Variants in RGS2 observed in about 807,000 individuals in gnomAD.
RGS2 encodes G0 to G1 switch regulatory 8, 24kD.
In RGS2, 20 loss-of-function variants were observed where a neutral mutation model predicts 26.6. The observed-to-expected ratio is 0.75, with a 90% CI of 0.53 to 1.09. The LOEUF is 1.09. RGS2 is among the 50% of genes least tolerant of loss of function. RGS2 has a pLI of 0.00. For synonymous variants in RGS2, 97 were observed against 79.9 expected, an observed-to-expected ratio of 1.21 and a Z score of -1.14; for missense variants, 246 against 245.5, an observed-to-expected ratio of 1.00 and a Z score of -0.01.
chr1:192,811,187 T>C, intron 4 of RGS2, 40 bp downstream of exon 4: 1 of 1,599,392 alleles, frequency 6.3e-7, no homozygotes, highest in Non-Finnish European at 8.5e-7. Flanking sequence ...AATCTGGACA[T>C]CTTTAGCACA....
chr1:192,811,882 A>C lies in RGS2; in HGVS notation c.*286A>C, dbSNP rs934785129. The C allele has an allele frequency of 2.2e-6, 1 of 457,454 alleles. No individual in the cohort carries two copies. The highest frequency in any genetic ancestry group is 4.0e-6 in the Non-Finnish European group (1 of 248,596). The allele number at this position is 457,454 out of a possible 1,614,324, so 28.3% of individuals were successfully genotyped here. ...GCAGGAATGTAAGATGATGAAAGAG[A>C]CAATGTAATACTGTTGGTCCAAAAG... is the stretch of plus-strand genomic sequence containing the variant. On this transcript the variant is annotated 3_prime_UTR_variant, in exon 5 of 5. Coordinates refer to ENST00000235382, the MANE Select transcript of RGS2 (RefSeq NM_002923.4).
Position 192,811,498 on chromosome 1 carries a change from T to C in RGS2, c.538T>C (p.Leu180=). The change falls in exon 5 of 5, where the codon TTG becomes CTG. Residue 180 remains leucine (L), a synonymous_variant. Coordinates refer to ENST00000235382, the MANE Select transcript of RGS2 (RefSeq NM_002923.4). ...FTTAQKRVYS[L]MENNSYPRFL... is the part of the protein sequence containing the mutation. ...AACTGCCCAGAAAAGGGTATACAGC[T>C]TGATGGAGAACAACTCTTATCCTCG... is the stretch of plus-strand genomic sequence containing the variant. 1 of 1,614,110 alleles carries C rather than the reference T, an allele frequency of 6.2e-7. No homozygotes were observed. The highest frequency in any genetic ancestry group is 8.5e-7 in the Non-Finnish European group (1 of 1,179,950).
chr1:192,810,195 A>G lies in RGS2; in HGVS notation c.140A>G (p.Tyr47Cys), dbSNP rs778327377. The G allele has an allele frequency of 2.5e-5, 41 of 1,612,898 alleles. No homozygotes were observed. Among genetic ancestry groups the G allele is most frequent in the Non-Finnish European group, 3.5e-5 (41 of 1,178,966 alleles). ...LLKDWKTRLS[Y>C]FLQNSSTPGK... ...AAAGATTGGAAGACCCGTTTGAGCTACTTCTTACAAAATTCCTCTACTCCT... is the reference window on the plus strand; with the variant it reads ...AAAGATTGGAAGACCCGTTTGAGCTGCTTCTTACAAAATTCCTCTACTCCT... The change falls in exon 2 of 5, where the codon TAC becomes TGC. Residue 47 changes from tyrosine (Y) to cysteine (C), a missense_variant. Transcript: ENST00000235382.
chr1:192,811,203 G>A, intron 4 of RGS2, 56 bp downstream of exon 4: 2 of 1,584,440 alleles, frequency 1.3e-6, no homozygotes, highest in Middle Eastern at 1.7e-4. Flanking sequence ...GCACAAAAGT[G>A]AAACAAAGTA....
chr1:192,809,046 G>C lies in RGS2; in HGVS notation c.-26G>C, dbSNP rs1665541868. Reference sequence around the variant, plus strand: ...TGCGACGCACGCCCAGCCGCAAACAGCCGGGGCTCCAGCGGGAGAACGATA... The same window carrying C: ...TGCGACGCACGCCCAGCCGCAAACACCCGGGGCTCCAGCGGGAGAACGATA... On this transcript the variant is annotated 5_prime_UTR_variant, in exon 1 of 5. Coordinates refer to ENST00000235382, the MANE Select transcript of RGS2 (RefSeq NM_002923.4). 6 of 1,560,280 alleles carry C rather than the reference G, an allele frequency of 3.8e-6. No homozygotes were observed. The highest frequency in any genetic ancestry group is 1.4e-5 in the African/African-American group (1 of 73,926).
At position 192,811,842 on chromosome 1, in the gene RGS2, G is replaced by A. The variant is rs1264661255; in HGVS notation, c.*246G>A. 1.7e-5 allele frequency: 9 copies of A among 541,016 alleles called. No individual in the cohort carries two copies. The East Asian group carries it at 2.9e-4, about 17-fold the overall frequency. The allele number at this position is 541,016 out of a possible 1,614,324, so 33.5% of individuals were successfully genotyped here. A position where few individuals can be genotyped will look rare whatever the true frequency, so the allele number is the denominator to read the frequency against. On this transcript the variant is annotated 3_prime_UTR_variant, in exon 5 of 5. Coordinates refer to ENST00000235382, the MANE Select transcript of RGS2 (RefSeq NM_002923.4). ...AGGGAATAGGTGGTCTGAACGTGGTGTCTCACTCTGAAAAGCAGGAATGTA... is the reference window on the plus strand; with the variant it reads ...AGGGAATAGGTGGTCTGAACGTGGTATCTCACTCTGAAAAGCAGGAATGTA...
At position 192,810,815 on chromosome 1, in the gene RGS2, G is replaced by A. The variant is rs190312590; in HGVS notation, c.275-166G>A. 7.0e-3 allele frequency: 5,248 copies of A among 752,904 alleles called. 27 individuals are homozygous for A. The highest frequency in any genetic ancestry group is 0.01 in the Non-Finnish European group (4,469 of 436,270). 46.6% of individuals were successfully genotyped at this position (752,904 alleles called of 1,614,324 possible). A position where few individuals can be genotyped will look rare whatever the true frequency, so the allele number is the denominator to read the frequency against. On this transcript the variant is annotated intron_variant, in intron 3 of 4. Coordinates refer to ENST00000235382, the MANE Select transcript of RGS2 (RefSeq NM_002923.4). ...TGCCAACATAAGCCTTTTGCCTACTGGTATCTTAGTCTTTAAAAAGCTAAA... is the reference window on the plus strand; with the variant it reads ...TGCCAACATAAGCCTTTTGCCTACTAGTATCTTAGTCTTTAAAAAGCTAAA...
rs1414962027 is a variant in RGS2 at position 192,811,309 on chromosome 1, AAT to A, written c.442-92_442-91del. 3.1e-6 allele frequency: 4 copies of A among 1,296,494 alleles called. No homozygotes were observed. The African/African-American group carries it at 4.5e-5, about 15-fold the overall frequency. The allele number at this position is 1,296,494 out of a possible 1,614,324, so 80.3% of individuals were successfully genotyped here. A position where few individuals can be genotyped will look rare whatever the true frequency, so the allele number is the denominator to read the frequency against. On this transcript the variant is annotated intron_variant, in intron 4 of 4. Coordinates refer to ENST00000235382, the MANE Select transcript of RGS2 (RefSeq NM_002923.4). ...CTCCTGTGACTTAGCTAGTAAAGCTAATCACACATAATTTTTATTTTTTGTTT... is the reference window on the plus strand; with the variant it reads ...CTCCTGTGACTTAGCTAGTAAAGCTACACACATAATTTTTATTTTTTGTTT...
In RGS2 at chr1:192,809,083, T is replaced by G; in HGVS notation, c.12T>G (p.Ala4=). 3 of 1,612,910 alleles carry G rather than the reference T, an allele frequency of 1.9e-6. No homozygotes were observed. Among genetic ancestry groups the G allele is most frequent in the South Asian group, 2.2e-5 (2 of 91,062 alleles). The part of the protein sequence containing the change: MQS[A]MFLAVQHDCR... Reference sequence around the variant, plus strand: ...GCGGGAGAACGATAATGCAAAGTGCTATGTTCTTGGCTGTTCAACACGACT... The same window carrying G: ...GCGGGAGAACGATAATGCAAAGTGCGATGTTCTTGGCTGTTCAACACGACT... The change falls in exon 1 of 5, where the codon GCT becomes GCG. Residue 4 remains alanine, a synonymous_variant. Coordinates refer to ENST00000235382, the MANE Select transcript of RGS2 (RefSeq NM_002923.4).
chr1:192,809,593 T>A, intron 1 of RGS2: 1 of 323,356 alleles, frequency 3.1e-6, no homozygotes, highest in Non-Finnish European at 6.1e-6. Flanking sequence ...GTTTTTTAAT[T>A]ATAGAGCAGA....
chr1:192,809,923 G>A (rs1665556814), intron 1 of RGS2, among the ~76,000 whole-genome samples: 1 of 152,204 alleles, frequency 6.6e-6, no homozygotes, highest in African/African-American at 2.4e-5. Context: ...ATACCCTAGT[G>A]ATTATAGGTA....
chr1:192,809,177 A>C lies in RGS2; in HGVS notation c.106A>C (p.Thr36Pro). The C allele has an allele frequency of 1.2e-6, 2 of 1,606,468 alleles. No homozygotes were observed. Among genetic ancestry groups the C allele is most frequent in the East Asian group, 4.5e-5 (2 of 44,822 alleles). The change falls in exon 1 of 5, where the codon ACC (threonine) becomes CCC (proline). Residue 36 changes from threonine (T) to proline (P), a missense_variant. Thr to Pro is a conservative substitution (Grantham distance 38). Coordinates refer to ENST00000235382, the MANE Select transcript of RGS2 (RefSeq NM_002923.4). ...SEEKREKMKR[T>P]LLKDWKTRLS... ...GGAGAAGCGAGAAAAGATGAAACGGACCCTGTGAGTATGGCTTTCTTCCCT... is the reference window on the plus strand; with the variant it reads ...GGAGAAGCGAGAAAAGATGAAACGGCCCCTGTGAGTATGGCTTTCTTCCCT...
chr1:192,810,406 A>T lies in RGS2; in HGVS notation c.249A>T (p.Ala83=). The stretch of plus-strand genomic sequence containing the variant: ...AGGAAGCACAGCTGTGGTCAGAAGC[A>T]TTTGACGAGCTGCTAGCCAGCAAAT... ...SPEEAQLWSE[A]FDELLASKYG... is the part of the protein sequence containing the mutation. Residue 83 remains alanine (A), a synonymous_variant, in exon 3 of 5, where the codon GCA becomes GCT. Coordinates refer to ENST00000235382, the MANE Select transcript of RGS2 (RefSeq NM_002923.4). 2 of 1,614,206 alleles carry T rather than the reference A, an allele frequency of 1.2e-6. No homozygotes were observed.
At chr1:192,809,437 C>G (rs578211074) in intron 1 of RGS2, 1 of 505,116 alleles carries the variant, frequency 2.0e-6, no homozygotes, top group South Asian at 2.0e-5. Flanking sequence ...TTTTGTCCTC[C>G]TGCATTCAAA....
Position 192,811,042 on chromosome 1 carries a change from C to T in RGS2, c.336C>T (p.Phe112=), listed in dbSNP as rs774043545. 3 of 1,614,100 alleles carry T rather than the reference C, an allele frequency of 1.9e-6. No individual in the cohort carries two copies. In the Admixed American group the frequency reaches 5.0e-5, roughly 27 times the overall value. ...AATTCTGTGAAGAAAATATTGAATT[C>T]TGGCTGGCCTGTGAAGACTTCAAAA... is the stretch of plus-strand genomic sequence containing the variant. ...KSEFCEENIE[F]WLACEDFKKT... The change falls in exon 4 of 5, where the codon TTC becomes TTT. Residue 112 remains phenylalanine (F), a synonymous_variant. Transcript: ENST00000235382.
chr1:192,809,210 C>T (rs188922079), intron 1 of RGS2, 29 bp downstream of exon 1: 83 of 1,470,892 alleles, frequency 5.6e-5, no homozygotes, highest in Middle Eastern at 1.7e-4. Flanking sequence ...CCTCTCCCGC[C>T]ACCCCCTGCC....
rs1318123536 is a variant in RGS2, at chr1:192,811,422, C to G, written c.462C>G (p.Thr154=). The change falls in exon 5 of 5, where the codon ACC becomes ACG. Residue 154 remains threonine, a synonymous_variant. Transcript: ENST00000235382. ...TTCAGATAAACATAGATTTTCAAAC[C>G]AAAACTCTGATTGCCCAGAATATAC... ...APKEINIDFQ[T]KTLIAQNIQE... is the part of the protein sequence containing the mutation. 2 of 1,613,184 alleles carry G rather than the reference C, an allele frequency of 1.2e-6. No homozygotes were observed. The highest frequency in any genetic ancestry group is 1.3e-5 in the African/African-American group (1 of 74,944).
At position 192,809,048 on chromosome 1, in the gene RGS2, C is replaced by G. The variant is rs541337584; in HGVS notation, c.-24C>G. On this transcript the variant is annotated 5_prime_UTR_variant, in exon 1 of 5. Transcript: ENST00000235382. Reference sequence around the variant, plus strand: ...CGACGCACGCCCAGCCGCAAACAGCCGGGGCTCCAGCGGGAGAACGATAAT... The same window carrying G: ...CGACGCACGCCCAGCCGCAAACAGCGGGGGCTCCAGCGGGAGAACGATAAT... The G allele has an allele frequency of 1.9e-5, 29 of 1,561,904 alleles. No homozygotes were observed. The highest frequency in any genetic ancestry group is 2.6e-5 in the Non-Finnish European group (29 of 1,132,354).
chr1:192,811,398 T>G lies in RGS2; in HGVS notation c.442-4T>G. ...AAATAAACAACTTTTTTGTTTTATT[T>G]CAGATAAACATAGATTTTCAAACCA... On this transcript the variant is annotated splice_region_variant and splice_polypyrimidine_tract_variant and intron_variant, in intron 4 of 4. Coordinates refer to ENST00000235382, the MANE Select transcript of RGS2 (RefSeq NM_002923.4). 1 of 1,609,118 alleles carries G rather than the reference T, an allele frequency of 6.2e-7. No homozygotes were observed. The highest frequency in any genetic ancestry group is 8.5e-7 in the Non-Finnish European group (1 of 1,176,688).
Sources: gnomAD v4.1 joint callset for allele counts (sites outside exome capture counted in the v4.1 genomes callset) on GRCh38, gnomAD v4.1.1 for gene constraint, MANE v1.5 for transcripts, NCBI Gene and HGNC (gene_info 2026-07-23, HGNC 2026-07-21) for gene names.